SETD9: variants seen among roughly 807,000 people sequenced by gnomAD.
SETD9 encodes the protein SET domain-containing protein 9.
SETD9 carries 37 observed loss-of-function variants against 36.4 expected under a neutral mutation model. That is an observed-to-expected ratio of 1.02 (90% CI 0.78 to 1.34). The LOEUF (loss-of-function observed/expected upper bound fraction) is 1.34, where lower values mean the gene tolerates loss of function less well. Among genes scored for constraint, SETD9 ranks in the 40% most tolerant of loss-of-function variants. The probability of loss-of-function intolerance (pLI) is 0.00; values close to 1 mark genes in which losing one functional copy is unlikely to be tolerated. For synonymous variants in SETD9, 128 were observed against 132.9 expected (o/e 0.96, Z 0.26); for missense variants, 323 against 353.2 (o/e 0.91, Z 0.69).
At chr5:56,923,427 A>C (rs1214257077) in intron 5 of SETD9, 5 of 1,614,060 alleles carry the variant, frequency 3.1e-6, no homozygotes, top group Non-Finnish European at 4.2e-6. Flanking sequence ...AAATTAAAAC[A>C]ATCACTTTCC....
chr5:56,910,983 G>A (rs1312759998), intron 1 of SETD9, 186 bp from the exon 2 acceptor site: 1 of 498,596 alleles, frequency 2.0e-6, no homozygotes, highest in Non-Finnish European at 3.4e-6. Context: ...CTACTTGGGT[G>A]GGAAGTGTTG....
intron 5 of SETD9, 43 bp from the exon 6 acceptor site, chr5:56,916,772 T>C (rs779636767): frequency 2.5e-6 from 4 of 1,585,746 alleles, no homozygotes; most frequent in East Asian, 2.3e-5. Context: ...TATGAGCTTA[T>C]ATTTGTTAAT....
downstream of SETD9, among the ~76,000 whole-genome samples, chr5:56,919,089 G>C (rs1185562471): frequency 6.7e-6 from 1 of 150,016 alleles, no homozygotes; most frequent in Non-Finnish European, 1.5e-5. Context: ...AATGTTTCCT[G>C]AATTAAACTA....
At chr5:56,913,546 GATA>G (rs1749266320) in intron 3 of SETD9, among the ~76,000 whole-genome samples, 4 of 151,780 alleles carry the variant, frequency 2.6e-5, no homozygotes, top group Admixed American at 2.6e-4. Flanking sequence ...ACCAGGCCCA[GATA>G]ATTTTTGTAT....
chr5:56,925,476 A>G, exon 6 of SETD9: 1 of 288,954 alleles, frequency 3.5e-6, no homozygotes, highest in South Asian at 3.1e-5. Context: ...TGACGATTGA[A>G]ATTTGAAATT....
At chr5:56,918,563 G>A (rs1263553925), downstream of SETD9, among the ~76,000 whole-genome samples, 2 of 152,184 alleles carry the variant, frequency 1.3e-5, no homozygotes, top group African/African-American at 2.4e-5. Context: ...AATACTCTGA[G>A]CTCTCACATG....
Position 56,923,111 on chromosome 5 carries a change from C to T in SETD9, c.813-2222C>T, listed in dbSNP as rs200243272. On this transcript the variant is annotated intron_variant, in intron 5 of 5. Transcript: ENST00000628593. ...TTTACTGGTGCTGCACACGCAGTTC[C>T]GGGATCCTCACTCAGGTCACTCAGA... is the stretch of plus-strand genomic sequence containing the variant. 2.2e-4 allele frequency: 361 copies of T among 1,607,082 alleles called. 2 individuals are homozygous for T. In the South Asian group the frequency reaches 2.9e-3, roughly 13 times the overall value.
chr5:56,909,645 C>T lies in SETD9; in HGVS notation c.-1C>T. On this transcript the variant is annotated 5_prime_UTR_variant, in exon 1 of 6. Coordinates refer to ENST00000285947, the MANE Select transcript of SETD9 (RefSeq NM_153706.4). ...CCTGGTCACGGCCCCGCGGGGCAGC[C>T]ATGCCTGGCCGTCTGCTGCGGGGCC... 6.2e-7 allele frequency: 1 copy of T among 1,605,324 alleles called. No homozygotes were observed.
intron 5 of SETD9, chr5:56,923,753 G>A (rs1749806871): frequency 4.3e-6 from 7 of 1,614,204 alleles, no homozygotes; most frequent in Middle Eastern, 1.6e-4. Flanking sequence ...AATAGGCTCA[G>A]GCCGGTTAGA....
intron 5 of SETD9, chr5:56,924,048 G>A: frequency 6.3e-7 from 1 of 1,584,082 alleles, no homozygotes; most frequent in Non-Finnish European, 8.5e-7. Context: ...CTCACCTAAT[G>A]AAAAAGTTGA....
rs1749106605 is a variant in SETD9 at position 56,911,265 on chromosome 5, A to C, written c.195A>C (p.Leu65Phe). ...TLLKVFQALFLNDFNKQSEIL... is the reference protein window; with the variant it reads ...TLLKVFQALFFNDFNKQSEIL... ...TGAAAGTTTTCCAGGCTCTATTCTT[A>C]AATGATTTCAATAAACAATCAGAAA... is the stretch of plus-strand genomic sequence containing the variant. The change falls in exon 2 of 6, where the codon TTA (leucine) becomes TTC (phenylalanine). Residue 65 changes from leucine (L) to phenylalanine (F), a missense_variant. Transcript: ENST00000285947. 1 of 1,610,468 alleles carries C rather than the reference A, an allele frequency of 6.2e-7. No individual in the cohort carries two copies. The highest frequency in any genetic ancestry group is 1.3e-5 in the African/African-American group (1 of 74,682).
chr5:56,924,895 A>C (rs1244038619), intron 5 of SETD9, among the ~76,000 whole-genome samples: 6 of 152,244 alleles, frequency 3.9e-5, no homozygotes, highest in Non-Finnish European at 1.5e-5. Flanking sequence ...TATGGGAATA[A>C]GCTTTTTAAA....
downstream of SETD9, among the ~76,000 whole-genome samples, chr5:56,926,658 T>C (rs954436289): frequency 1.3e-5 from 2 of 152,172 alleles, no homozygotes; most frequent in African/African-American, 4.8e-5. Context: ...GAAGACAGTT[T>C]GGCAGTTTCA....
At chr5:56,918,678 T>A (rs1306916069), downstream of SETD9, among the ~76,000 whole-genome samples, 3 of 152,138 alleles carry the variant, frequency 2.0e-5, no homozygotes, top group East Asian at 5.8e-4. Flanking sequence ...GCTAAGGTCC[T>A]TTCGTGTCTG....
chr5:56,924,587 G>C (rs1749867580), intron 5 of SETD9, among the ~76,000 whole-genome samples: 1 of 152,208 alleles, frequency 6.6e-6, no homozygotes, highest in Non-Finnish European at 1.5e-5. Context: ...ACAGCATCTG[G>C]AATTTAAGAT....
chr5:56,912,222 C>A (rs1043160200), intron 2 of SETD9: 32 of 985,056 alleles, frequency 3.2e-5, no homozygotes, highest in African/African-American at 3.5e-5. Flanking sequence ...CATAAGTCAC[C>A]GAATGAAGAC....
chr5:56,921,315 CA>C (rs1433371470), downstream of SETD9: 2 of 152,412 alleles, frequency 1.3e-5, no homozygotes, highest in East Asian at 3.9e-4. Flanking sequence ...AAGTTTAGCA[CA>C]ACAACACAGC....
At chr5:56,909,529 G>A (rs1249233467), upstream of SETD9, 1 of 687,456 alleles carries the variant, frequency 1.5e-6, no homozygotes, top group Non-Finnish European at 2.3e-6. Context: ...GGAACACTGA[G>A]AGCGGAGCCA....
chr5:56,923,028 G>A, intron 5 of SETD9: 1 of 889,372 alleles, frequency 1.1e-6, no homozygotes, highest in East Asian at 2.6e-5. Flanking sequence ...TGATGTCATA[G>A]TGAGAAAGGT....
Sources: gnomAD v4.1 joint callset for allele counts (sites outside exome capture counted in the v4.1 genomes callset) on GRCh38, gnomAD v4.1.1 for gene constraint, MANE v1.5 for transcripts, NCBI Gene and HGNC (gene_info 2026-07-23, HGNC 2026-07-21) for gene names.